ADARB2: variants seen among roughly 807,000 people sequenced by gnomAD.
ADARB2 encodes inactive double-stranded RNA-specific editase B2.
ADARB2 carries 25 observed loss-of-function variants against 62.2 expected under a neutral mutation model. The observed-to-expected ratio is 0.40, with a 90% CI of 0.29 to 0.56. ADARB2 has a LOEUF of 0.56. Among genes scored for constraint, ADARB2 ranks in the 20% least tolerant of loss-of-function variants. The pLI, the probability that ADARB2 is intolerant of heterozygous loss-of-function variation, is 0.43. For synonymous variants in ADARB2, 572 were observed against 500.8 expected (o/e 1.14, Z -1.90); for missense variants, 1,071 against 1,077.4 (o/e 0.99, Z 0.08).
Position 1,737,520 on chromosome 10 carries a change from A to T in ADARB2, c.-370T>A, listed in dbSNP as rs1025230901. Reference sequence around the variant, plus strand: ...CTCTGCTAGTTGTTTGGCACCAGCCACTTTGAAGCCAATCACGCAGGGAGC... The same window carrying T: ...CTCTGCTAGTTGTTTGGCACCAGCCTCTTTGAAGCCAATCACGCAGGGAGC... On this transcript the variant is annotated 5_prime_UTR_variant, in exon 1 of 10. Transcript: ENST00000381312. The T allele has an allele frequency of 8.3e-6, 2 of 241,732 alleles. No homozygotes were observed. 15.0% of individuals were successfully genotyped at this position (241,732 alleles called of 1,614,324 possible). A position where few individuals can be genotyped will look rare whatever the true frequency, so the allele number is the denominator to read the frequency against.
intron 1 of ADARB2, among the ~76,000 whole-genome samples, chr10:1,473,370 T>G (rs1831352183): frequency 6.6e-6 from 1 of 152,042 alleles, no homozygotes; most frequent in Non-Finnish European, 1.5e-5. Context: ...ATTTTGTTGT[T>G]GTTGTTGTTG....
chr10:1,524,705 G>T (rs560284777), intron 1 of ADARB2, among the ~76,000 whole-genome samples: 7 of 152,092 alleles, frequency 4.6e-5, no homozygotes, highest in Non-Finnish European at 8.8e-5. Flanking sequence ...GTGGCTGCCC[G>T]GGGGGAGGTG....
chr10:1,686,816 T>C (rs944795678), intron 1 of ADARB2, among the ~76,000 whole-genome samples: 1 of 152,216 alleles, frequency 6.6e-6, no homozygotes, highest in African/African-American at 2.4e-5. Flanking sequence ...CAAATGTTTA[T>C]TGTTGATTTC....
intron 1 of ADARB2, among the ~76,000 whole-genome samples, chr10:1,723,678 C>T (rs1264919152): frequency 6.6e-6 from 1 of 152,146 alleles, no homozygotes; most frequent in East Asian, 1.9e-4. Context: ...CGGTTCTCTC[C>T]ATCTTTAATG....
At chr10:1,732,418 C>T (rs1005485614) in intron 1 of ADARB2, among the ~76,000 whole-genome samples, 1 of 151,862 alleles carries the variant, frequency 6.6e-6, no homozygotes, top group Non-Finnish European at 1.5e-5. Flanking sequence ...TATGGATACA[C>T]GAATCCCATA....
At chr10:1,698,276 A>C (rs1401198021) in intron 1 of ADARB2, among the ~76,000 whole-genome samples, 2 of 152,224 alleles carry the variant, frequency 1.3e-5, no homozygotes, top group Non-Finnish European at 2.9e-5. Context: ...GCCACCCATT[A>C]GCAGGTGCGG....
At chr10:1,425,470 G>A (rs181090482) in intron 1 of ADARB2, among the ~76,000 whole-genome samples, 1 of 152,320 alleles carries the variant, frequency 6.6e-6, no homozygotes, top group Admixed American at 6.5e-5. Context: ...AGCAATACCT[G>A]AAGTATCTAA....
intron 1 of ADARB2, among the ~76,000 whole-genome samples, chr10:1,482,317 G>A (rs1020658325): frequency 6.6e-6 from 1 of 152,206 alleles, no homozygotes; most frequent in African/African-American, 2.4e-5. Context: ...CAGCCAAAAG[G>A]TAGAAACAAC....
intron 1 of ADARB2, among the ~76,000 whole-genome samples, chr10:1,667,727 C>G (rs1253204105): frequency 1.3e-5 from 2 of 152,126 alleles, no homozygotes; most frequent in Non-Finnish European, 2.9e-5. Flanking sequence ...GCTCAATTGT[C>G]CTAAAAAGCC....
At chr10:1,475,170 C>G (rs58890371) in intron 1 of ADARB2, among the ~76,000 whole-genome samples, 7 of 152,022 alleles carry the variant, frequency 4.6e-5, no homozygotes, top group Non-Finnish European at 1.0e-4. Flanking sequence ...ACTCAGGAGC[C>G]CCCCCGGGGC....
chr10:1,693,866 G>A (rs1424481730), intron 1 of ADARB2, among the ~76,000 whole-genome samples: 1 of 152,184 alleles, frequency 6.6e-6, no homozygotes, highest in African/African-American at 2.4e-5. Flanking sequence ...TTAGGGCATT[G>A]TATAGTGTCT....
intron 3 of ADARB2, among the ~76,000 whole-genome samples, chr10:1,324,478 T>A (rs191860881): frequency 3.9e-5 from 6 of 152,348 alleles, no homozygotes; most frequent in Admixed American, 3.9e-4. Flanking sequence ...CAAACTGGAA[T>A]CCGCCCAGAT....
chr10:1,658,686 G>A (rs1266647075), intron 1 of ADARB2, among the ~76,000 whole-genome samples: 1 of 152,218 alleles, frequency 6.6e-6, no homozygotes, highest in Non-Finnish European at 1.5e-5. Context: ...AGGTCTCCTT[G>A]GCGATGAGGT....
chr10:1,292,475 CAT>C (rs1431836129), intron 3 of ADARB2: 1 of 152,160 alleles, frequency 6.6e-6, no homozygotes, highest in African/African-American at 2.4e-5. Context: ...TCACAGCATG[CAT>C]AGACACTCAG....
intron 1 of ADARB2, among the ~76,000 whole-genome samples, chr10:1,718,369 G>A (rs1322099495): frequency 6.6e-6 from 1 of 152,212 alleles, no homozygotes; most frequent in African/African-American, 2.4e-5. Context: ...CTGCTGGTAG[G>A]GAGGCTGCTT....
At chr10:1,404,100 G>T (rs1268195372) in intron 1 of ADARB2, among the ~76,000 whole-genome samples, 1 of 152,240 alleles carries the variant, frequency 6.6e-6, no homozygotes, top group Non-Finnish European at 1.5e-5. Flanking sequence ...CAACAAAGAT[G>T]AAACAGCTCC....
At chr10:1,602,177 G>A (rs1833425366) in intron 1 of ADARB2, among the ~76,000 whole-genome samples, 1 of 152,166 alleles carries the variant, frequency 6.6e-6, no homozygotes, top group East Asian at 1.9e-4. Context: ...ACGGGGGACT[G>A]ACTCCCAGAG....
intron 1 of ADARB2, among the ~76,000 whole-genome samples, chr10:1,499,562 T>A (rs554174667): frequency 6.6e-6 from 1 of 151,810 alleles, no homozygotes; most frequent in South Asian, 2.1e-4. Context: ...TCATCACTCA[T>A]CACTCACTCA....
chr10:1,448,638 A>G (rs1213800646), intron 1 of ADARB2, among the ~76,000 whole-genome samples: 2 of 152,150 alleles, frequency 1.3e-5, no homozygotes, highest in South Asian at 2.1e-4. Flanking sequence ...TTATGTTAAC[A>G]TCTTTATTTC....
Sources: allele counts gnomAD v4.1 joint callset (sites outside exome capture counted in the v4.1 genomes callset), GRCh38; gene constraint gnomAD v4.1.1; transcripts MANE v1.5; gene names NCBI Gene and HGNC (gene_info 2026-07-23, HGNC 2026-07-21).